The following XXYLT1 variants were observed in gnomAD, a reference collection of about 807,000 sequenced individuals.
The protein encoded by XXYLT1 is UDP-xylose:alpha-xyloside alpha-1,3-xylosyltransferase.
XXYLT1 carries 20 observed loss-of-function variants against 28.9 expected under a neutral mutation model. The ratio of observed to expected loss-of-function variants is 0.69; its 90% CI spans 0.49 to 1.00. The LOEUF (loss-of-function observed/expected upper bound fraction) is 1.00. Among genes scored for constraint, XXYLT1 ranks in the 50% least tolerant of loss-of-function variants. XXYLT1 has a pLI of 0.00. For synonymous variants in XXYLT1, 257 were observed against 253.8 expected, an observed-to-expected ratio of 1.01 and a Z score of -0.12; for missense variants, 542 against 560.1, an observed-to-expected ratio of 0.97 and a Z score of 0.33.
rs745401645 is a variant in XXYLT1 at position 195,070,050 on chromosome 3, C to CG, written c.846dup (p.Glu283ArgfsTer85). ...CCGCTGTTGAAGCCCGGCAGCCCCT[C>CG]GGGGGGCGGGCCCCCAACCCGGGTC... On this transcript the variant is annotated frameshift_variant, in exon 4 of 4. Transcript: ENST00000310380. LOFTEE classifies it high-confidence loss of function. 8 of 1,598,016 alleles carry CG rather than the reference C, an allele frequency of 5.0e-6. No homozygotes were observed. The highest frequency in any genetic ancestry group is 1.1e-5 in the South Asian group (1 of 90,654).
intron 2 of XXYLT1, among the ~76,000 whole-genome samples, chr3:195,219,632 G>A (rs916655356): frequency 3.9e-5 from 6 of 152,210 alleles, no homozygotes; most frequent in African/African-American, 1.4e-4. Context: ...CCTAGGCTAA[G>A]AAGCATCCAG....
At chr3:195,090,191 C>T (rs976979911) in intron 3 of XXYLT1, among the ~76,000 whole-genome samples, 1 of 151,434 alleles carries the variant, frequency 6.6e-6, no homozygotes, top group Non-Finnish European at 1.5e-5. Context: ...TAGACATCTA[C>T]AGAACTCTCC....
intron 3 of XXYLT1, among the ~76,000 whole-genome samples, chr3:195,143,803 T>G (rs1407418127): frequency 3.6e-5 from 3 of 84,184 alleles, no homozygotes; most frequent in Non-Finnish European, 4.9e-5. Flanking sequence ...TATATATAGA[T>G]AGATATATAT....
intron 1 of XXYLT1, among the ~76,000 whole-genome samples, chr3:195,251,949 C>T (rs921706969): frequency 2.0e-5 from 3 of 152,196 alleles, no homozygotes; most frequent in Non-Finnish European, 4.4e-5. Flanking sequence ...AGTGACAAAA[C>T]AGGGGAACCA....
chr3:195,223,860 G>A (rs1014135490), intron 2 of XXYLT1, among the ~76,000 whole-genome samples: 4 of 152,144 alleles, frequency 2.6e-5, no homozygotes, highest in African/African-American at 7.2e-5. Context: ...TGGGGCACAT[G>A]TAAAAATGAA....
rs1335657565 is a variant in XXYLT1 at position 195,078,609 on chromosome 3, G to A, written c.786-8498C>T. On this transcript the variant is annotated intron_variant, in intron 3 of 3. Transcript: ENST00000310380. The surrounding 1 kb of genome is among the most constrained non-coding windows in gnomAD (Gnocchi z 5.0). ...TCCAAGCCTCCTACTAATATCGACT[G>A]CCCGTTCTCTGCCTCTCACTCAAAC... Among the ~76,000 whole-genome samples the A allele has an allele frequency of 6.6e-6, 1 of 152,052 alleles. No individual in the cohort carries two copies. Among genetic ancestry groups the A allele is most frequent in the African/African-American group, 2.4e-5 (1 of 41,380 alleles).
intron 3 of XXYLT1, among the ~76,000 whole-genome samples, chr3:195,147,260 C>A (rs1719903793): frequency 6.6e-6 from 1 of 152,154 alleles, no homozygotes; most frequent in African/African-American, 2.4e-5. Flanking sequence ...CTCACACACA[C>A]AATGAGCCAA....
intron 2 of XXYLT1, 68 bp downstream of exon 2, chr3:195,226,641 T>C (rs1382991282): frequency 3.2e-6 from 5 of 1,566,256 alleles, no homozygotes; most frequent in Non-Finnish European, 3.5e-6. Context: ...CTGGGCAGTG[T>C]TGGAACCAGG....
At chr3:195,206,021 A>ATTTTTT (rs777561871) in intron 2 of XXYLT1, among the ~76,000 whole-genome samples, 2 of 125,426 alleles carry the variant, frequency 1.6e-5, no homozygotes, top group African/African-American at 3.2e-5. Flanking sequence ...TTAAAGTTTA[A>ATTTTTT]TTTTTTTTTT....
intron 3 of XXYLT1, among the ~76,000 whole-genome samples, chr3:195,149,508 C>T (rs1720068675): frequency 6.6e-6 from 1 of 152,186 alleles, no homozygotes; most frequent in African/African-American, 2.4e-5. Context: ...TAGCAGGGAC[C>T]AAACACCCCA....
chr3:195,086,361 T>C (rs1257668490), intron 3 of XXYLT1, among the ~76,000 whole-genome samples: 2 of 152,208 alleles, frequency 1.3e-5, no homozygotes, highest in Non-Finnish European at 2.9e-5. Flanking sequence ...TTATCAAAGG[T>C]AGCCAGGTCT....
Position 195,077,161 on chromosome 3 carries a change from C to T in XXYLT1, c.786-7050G>A, listed in dbSNP as rs6798633. 0.014 allele frequency among the ~76,000 whole-genome samples: 2,125 copies of T among 152,200 alleles called. 54 individuals carry two copies. The highest frequency in any genetic ancestry group is 0.048 in the African/African-American group (2,003 of 41,508). ...TGGAGACAGAATGACCCACAGTGGGCGGGGCAGCCTCTGTCCAGGGAAAGG... is the reference window on the plus strand; with the variant it reads ...TGGAGACAGAATGACCCACAGTGGGTGGGGCAGCCTCTGTCCAGGGAAAGG... On this transcript the variant is annotated intron_variant, in intron 3 of 3. Transcript: ENST00000310380. The surrounding 1 kb of genome is among the most constrained non-coding windows in gnomAD (Gnocchi z 4.8).
intron 2 of XXYLT1, among the ~76,000 whole-genome samples, chr3:195,171,112 G>C (rs1472452921): frequency 6.6e-6 from 1 of 152,182 alleles, no homozygotes; most frequent in Admixed American, 6.5e-5. Context: ...AAACCCAACA[G>C]CAAAAGCAGC....
At chr3:195,200,249 G>A (rs1260464521) in intron 2 of XXYLT1, among the ~76,000 whole-genome samples, 1 of 152,210 alleles carries the variant, frequency 6.6e-6, no homozygotes, top group Non-Finnish European at 1.5e-5. Context: ...GCACCCAGGA[G>A]CTGTAGTCAT....
chr3:195,226,664 A>G, intron 2 of XXYLT1, 45 bp downstream of exon 2: 2 of 1,592,278 alleles, frequency 1.3e-6, no homozygotes, highest in Non-Finnish European at 1.7e-6. Context: ...AATGGATGCA[A>G]AAGTCAGACA....
At chr3:195,228,266 T>A (rs1724141672) in intron 1 of XXYLT1, among the ~76,000 whole-genome samples, 1 of 146,952 alleles carries the variant, frequency 6.8e-6, no homozygotes, top group Non-Finnish European at 1.5e-5. Flanking sequence ...CTGTTTACAC[T>A]GTCACTTGCC....
intron 3 of XXYLT1, chr3:195,146,988 G>A (rs562953130): frequency 5.2e-5 from 8 of 153,736 alleles, no homozygotes; most frequent in Admixed American, 2.0e-4. Context: ...TACAGGTGCA[G>A]GCTACCATGC....
Position 195,177,936 on chromosome 3 carries a change from T to TAAAAAAAAA in XXYLT1, c.653-21364_653-21356dup, listed in dbSNP as rs56022005. On this transcript the variant is annotated intron_variant, in intron 2 of 3. Coordinates refer to ENST00000310380, the MANE Select transcript of XXYLT1 (RefSeq NM_152531.5). Reference sequence around the variant, plus strand: ...AGTGACAGAGCAAGGCTCTGTCTCTTAAAAAAAAAAAAAAAAAAAAAGAGG... The same window carrying TAAAAAAAAA: ...AGTGACAGAGCAAGGCTCTGTCTCTTAAAAAAAAAAAAAAAAAAAAAAAAAAAAAAGAGG... Among the ~76,000 whole-genome samples the TAAAAAAAAA allele has an allele frequency of 6.2e-4, 72 of 115,604 alleles. 1 individual carries two copies. Among genetic ancestry groups the TAAAAAAAAA allele is most frequent in the African/African-American group, 2.4e-3 (68 of 27,970 alleles). 75.8% of individuals were successfully genotyped at this position (115,604 alleles called of 152,430 possible).
intron 3 of XXYLT1, among the ~76,000 whole-genome samples, chr3:195,098,395 T>C (rs1177739235): frequency 6.6e-6 from 1 of 151,894 alleles, no homozygotes; most frequent in East Asian, 1.9e-4. Flanking sequence ...CTACTAAAAA[T>C]ACAAAAAATT....
Sources: gnomAD v4.1 joint callset for allele counts (sites outside exome capture counted in the v4.1 genomes callset) on GRCh38, gnomAD v4.1.1 for gene constraint, Gnocchi (gnomAD v3.1) non-coding constraint, MANE v1.5 for transcripts, NCBI Gene and HGNC (gene_info 2026-07-23, HGNC 2026-07-21) for gene names.